Variants in TRPC6 observed in about 807,000 individuals in gnomAD.
The protein encoded by TRPC6 is transient receptor potential cation channel subfamily C member 6, also known as short transient receptor potential channel 6.
A neutral mutation model predicts 90.7 loss-of-function variants in TRPC6; 55 were observed. The observed-to-expected ratio is 0.61, with a 90% confidence interval of 0.49 to 0.76. TRPC6 has a LOEUF of 0.76. Ranked by LOEUF, TRPC6 falls within the 30% of genes least tolerant of loss-of-function variation. The pLI, the probability that TRPC6 is intolerant of heterozygous loss-of-function variation, is 0.00. For missense variants in TRPC6, 989 were observed against 1,122.7 expected (o/e 0.88, Z 1.70); for synonymous variants, 393 against 393.0 (o/e 1.00, Z 0.00).
intron 1 of TRPC6, among the ~76,000 whole-genome samples, chr11:101,506,775 A>C (rs1442430257): frequency 6.6e-6 from 1 of 152,066 alleles, no homozygotes; most frequent in Non-Finnish European, 1.5e-5. Flanking sequence ...TTTGTTTTTA[A>C]TTCCATTTTT....
intron 6 of TRPC6, 101 bp from the exon 7 acceptor site, chr11:101,473,874 G>T: frequency 6.5e-7 from 1 of 1,540,840 alleles, no homozygotes; most frequent in Non-Finnish European, 8.9e-7. Context: ...TTAGAATCCG[G>T]TTTTCGAATG....
chr11:101,456,582 G>T (rs1421918235), intron 10 of TRPC6, among the ~76,000 whole-genome samples: 3 of 152,008 alleles, frequency 2.0e-5, no homozygotes, highest in African/African-American at 7.3e-5. Context: ...TGGTGTAGGT[G>T]GTCTCCTGTG....
intron 1 of TRPC6, among the ~76,000 whole-genome samples, chr11:101,579,142 A>G (rs1295313145): frequency 6.6e-6 from 1 of 152,144 alleles, no homozygotes; most frequent in Non-Finnish European, 1.5e-5. Context: ...CGATGTTCAT[A>G]CAAAATATTT....
At chr11:101,551,216 C>T (rs536532429) in intron 1 of TRPC6, among the ~76,000 whole-genome samples, 1 of 151,964 alleles carries the variant, frequency 6.6e-6, no homozygotes, top group South Asian at 2.1e-4. Flanking sequence ...GAGTATTTAA[C>T]ATTTAATCAT....
At chr11:101,508,898 T>C (rs1216415258) in intron 1 of TRPC6, among the ~76,000 whole-genome samples, 2 of 152,102 alleles carry the variant, frequency 1.3e-5, no homozygotes, top group Non-Finnish European at 2.9e-5. Flanking sequence ...ATAATTATTC[T>C]GACCTATCTC....
At chr11:101,556,894 T>C (rs540415271) in intron 1 of TRPC6, among the ~76,000 whole-genome samples, 1 of 152,210 alleles carries the variant, frequency 6.6e-6, no homozygotes, top group Non-Finnish European at 1.5e-5. Flanking sequence ...GATGCAAGGA[T>C]GGCTCAACAT....
chr11:101,491,833 A>ATTG, intron 2 of TRPC6, 95 bp from the exon 3 acceptor site: 3 of 778,578 alleles, frequency 3.9e-6, no homozygotes, highest in Middle Eastern at 4.3e-4. Context: ...TAAGAGAAAC[A>ATTG]TTCTTTTTTT....
At chr11:101,480,544 C>T (rs1172971232) in intron 5 of TRPC6, among the ~76,000 whole-genome samples, 1 of 151,924 alleles carries the variant, frequency 6.6e-6, no homozygotes, top group Non-Finnish European at 1.5e-5. Context: ...CTTCATGCCC[C>T]TTTATATAAA....
chr11:101,569,342 A>G (rs1181980814), intron 1 of TRPC6, among the ~76,000 whole-genome samples: 1 of 152,320 alleles, frequency 6.6e-6, no homozygotes, highest in Admixed American at 6.5e-5. Context: ...TGTGCACCCA[A>G]TACAGGAGCA....
chr11:101,578,175 G>T (rs1161986912), intron 1 of TRPC6, among the ~76,000 whole-genome samples: 1 of 152,136 alleles, frequency 6.6e-6, no homozygotes, highest in Non-Finnish European at 1.5e-5. Context: ...CAGAGGAAAA[G>T]GACGTGTGAA....
At chr11:101,517,382 C>T (rs1404980141) in intron 1 of TRPC6, among the ~76,000 whole-genome samples, 1 of 152,198 alleles carries the variant, frequency 6.6e-6, no homozygotes, top group Non-Finnish European at 1.5e-5. Context: ...TGCTTGTTTT[C>T]AGTCTTTACA....
chr11:101,504,056 C>A lies in TRPC6; in HGVS notation c.913G>T (p.Ala305Ser), dbSNP rs201284689. The change falls in exon 2 of 13, where the codon GCA becomes TCA. Residue 305 changes from alanine (A) to serine (S), a missense_variant. Transcript: ENST00000344327. ...MTALELSNEL[A>S]VLANIEKEFK... ...TCTTTCTCAATATTGGCCAGAACTG[C>A]CAGTTCATTGCTAAGTTCTAAAGCC... 4 of 1,614,048 alleles carry A rather than the reference C, an allele frequency of 2.5e-6. No individual in the cohort carries two copies. The highest frequency in any genetic ancestry group is 3.4e-6 in the Non-Finnish European group (4 of 1,179,964).
At chr11:101,505,015 C>G (rs781683247) in intron 1 of TRPC6, among the ~76,000 whole-genome samples, 1 of 152,162 alleles carries the variant, frequency 6.6e-6, no homozygotes, top group Non-Finnish European at 1.5e-5. Context: ...TTTTAACATT[C>G]CCATTTGGGG....
At chr11:101,570,666 T>C (rs1474050564) in intron 1 of TRPC6, among the ~76,000 whole-genome samples, 1 of 152,184 alleles carries the variant, frequency 6.6e-6, no homozygotes, top group Non-Finnish European at 1.5e-5. Flanking sequence ...TCAAAAAGCT[T>C]ATCCACTATG....
intron 1 of TRPC6, among the ~76,000 whole-genome samples, chr11:101,578,419 C>T: frequency 6.6e-6 from 1 of 152,080 alleles, no homozygotes; most frequent in East Asian, 1.9e-4. Flanking sequence ...TCAATACTAA[C>T]TTTTTTTGCC....
chr11:101,572,775 G>A (rs553264881), intron 1 of TRPC6, among the ~76,000 whole-genome samples: 13 of 152,152 alleles, frequency 8.5e-5, no homozygotes, highest in Admixed American at 2.6e-4. Flanking sequence ...ACCAAACACC[G>A]CATGTTCTCA....
intron 1 of TRPC6, among the ~76,000 whole-genome samples, chr11:101,551,687 A>G (rs1422782469): frequency 6.6e-6 from 1 of 152,012 alleles, no homozygotes; most frequent in Non-Finnish European, 1.5e-5. Context: ...CTAAAATTCA[A>G]TTATTTACAG....
intron 5 of TRPC6, among the ~76,000 whole-genome samples, chr11:101,479,541 C>T (rs1859498711): frequency 6.6e-6 from 1 of 152,236 alleles, no homozygotes; most frequent in Non-Finnish European, 1.5e-5. Flanking sequence ...TCCTCTCCCT[C>T]AAGCCCAGAT....
chr11:101,544,526 T>A (rs943470562), intron 1 of TRPC6, among the ~76,000 whole-genome samples: 9 of 152,198 alleles, frequency 5.9e-5, no homozygotes, highest in African/African-American at 1.9e-4. Context: ...GTGGCTCATA[T>A]ACACCATGGA....
Sources: allele counts gnomAD v4.1 joint callset (sites outside exome capture counted in the v4.1 genomes callset), GRCh38; gene constraint gnomAD v4.1.1; transcripts MANE v1.5; gene names NCBI Gene and HGNC (gene_info 2026-07-23, HGNC 2026-07-21).